GPR158: variants seen among roughly 807,000 people sequenced by gnomAD.
GPR158 encodes the protein G protein-coupled receptor 158, also known as metabotropic glycine receptor.
In GPR158, 30 loss-of-function variants were observed where a neutral mutation model predicts 78.2. The observed-to-expected ratio is 0.38, with a 90% confidence interval of 0.29 to 0.52. GPR158 has a LOEUF of 0.52. Among genes scored for constraint, GPR158 ranks in the 20% least tolerant of loss-of-function variants. The probability of loss-of-function intolerance (pLI) is 0.83; values close to 1 mark genes in which losing one functional copy is unlikely to be tolerated. For synonymous variants in GPR158, 581 were observed against 591.1 expected, an observed-to-expected ratio of 0.98 and a Z score of 0.25; for missense variants, 1,463 against 1,523.5, an observed-to-expected ratio of 0.96 and a Z score of 0.66.
At chr10:25,224,986 A>T (rs1853353949) in intron 2 of GPR158, among the ~76,000 whole-genome samples, 1 of 152,136 alleles carries the variant, frequency 6.6e-6, no homozygotes, top group Admixed American at 6.5e-5. Context: ...TGGCAACAAA[A>T]ACCACTTAAC....
chr10:25,187,003 C>G lies in GPR158; in HGVS notation c.902+10681C>G, dbSNP rs531712708. ...TTTTTGAGGTGGAGTCTCACTCTGT[C>G]GCCCAGGCTGGAGTGCAGTGGGGCG... On this transcript the variant is annotated intron_variant, in intron 1 of 10. Transcript: ENST00000376351. 3.7e-5 allele frequency among the ~76,000 whole-genome samples: 5 copies of G among 134,186 alleles called. No homozygotes were observed. The East Asian group carries it at 1.1e-3, about 29-fold the overall frequency. 88.0% of individuals were successfully genotyped at this position (134,186 alleles called of 152,430 possible).
At chr10:25,221,978 T>G (rs1276916159) in intron 2 of GPR158, among the ~76,000 whole-genome samples, 4 of 152,180 alleles carry the variant, frequency 2.6e-5, no homozygotes, top group African/African-American at 9.6e-5. Flanking sequence ...AACTTTAATT[T>G]GAATTTTTGC....
chr10:25,438,876 G>A (rs1257059005), intron 4 of GPR158, among the ~76,000 whole-genome samples: 3 of 151,786 alleles, frequency 2.0e-5, no homozygotes, highest in Non-Finnish European at 4.4e-5. Context: ...CTGCCATTTA[G>A]AAAAAAAATC....
At chr10:25,265,073 A>G (rs928599151) in intron 2 of GPR158, among the ~76,000 whole-genome samples, 2 of 152,168 alleles carry the variant, frequency 1.3e-5, no homozygotes, top group African/African-American at 4.8e-5. Flanking sequence ...TTTTTTAAAT[A>G]TGGGATCCTA....
At chr10:25,201,984 A>G (rs1852935664) in intron 1 of GPR158, among the ~76,000 whole-genome samples, 1 of 152,122 alleles carries the variant, frequency 6.6e-6, no homozygotes, top group Admixed American at 6.6e-5. Context: ...TGCTGGCCTT[A>G]TAGAATGACT....
intron 4 of GPR158, among the ~76,000 whole-genome samples, chr10:25,458,358 G>C: frequency 6.6e-6 from 1 of 152,284 alleles, no homozygotes; most frequent in Admixed American, 6.5e-5. Flanking sequence ...TAGTTTGGTA[G>C]TGTTACATGT....
At chr10:25,254,579 G>A (rs1853867619) in intron 2 of GPR158, among the ~76,000 whole-genome samples, 1 of 152,084 alleles carries the variant, frequency 6.6e-6, no homozygotes, top group African/African-American at 2.4e-5. Flanking sequence ...GAAATAAGTA[G>A]TAGTGAAAAA....
chr10:25,476,269 T>C (rs913930998), intron 5 of GPR158, among the ~76,000 whole-genome samples: 1 of 152,168 alleles, frequency 6.6e-6, no homozygotes, highest in Non-Finnish European at 1.5e-5. Flanking sequence ...AGTGTATTTT[T>C]TTGCTAAATT....
chr10:25,579,650 T>A (rs1837160509), intron 7 of GPR158, among the ~76,000 whole-genome samples: 1 of 152,192 alleles, frequency 6.6e-6, no homozygotes, highest in Non-Finnish European at 1.5e-5. Flanking sequence ...AAGTAGCTAA[T>A]AAATGATAGC....
In GPR158 at chr10:25,598,913, C is replaced by G. The variant is rs759749827; in HGVS notation, c.3287C>G (p.Pro1096Arg). 10 of 1,613,906 alleles carry G rather than the reference C, an allele frequency of 6.2e-6. No individual in the cohort carries two copies. In the East Asian group the frequency reaches 1.1e-4, roughly 18 times the overall value. Reference protein sequence around the residue: ...KLLISKTPVLPERAKEENGGQ... With the variant: ...KLLISKTPVLRERAKEENGGQ... ...TTGATTTCCAAGACTCCAGTTCTCC[C>G]AGAGAGGGCAAAAGAGGAGAACGGA... Residue 1096 changes from proline (P) to arginine (R), a missense_variant, in exon 11 of 11, where the codon CCA becomes CGA. By Grantham distance (103) the Pro-to-Arg change is moderately radical. Coordinates refer to ENST00000376351, the MANE Select transcript of GPR158 (RefSeq NM_020752.3).
chr10:25,257,901 A>C (rs1435065523), intron 2 of GPR158, among the ~76,000 whole-genome samples: 1 of 152,182 alleles, frequency 6.6e-6, no homozygotes, highest in Non-Finnish European at 1.5e-5. Flanking sequence ...AAAAATGAAG[A>C]GATGAAAAAT....
chr10:25,416,326 C>T (rs888876023), intron 4 of GPR158, among the ~76,000 whole-genome samples: 2 of 152,140 alleles, frequency 1.3e-5, no homozygotes, highest in Admixed American at 6.5e-5. Flanking sequence ...CACATGCAAT[C>T]GCAGATATTT....
At chr10:25,247,609 T>G (rs1467429876) in intron 2 of GPR158, among the ~76,000 whole-genome samples, 6 of 141,052 alleles carry the variant, frequency 4.3e-5, no homozygotes, top group South Asian at 2.5e-4. Flanking sequence ...AATGATGATT[T>G]CCAATTTCAT....
chr10:25,361,022 G>T (rs1339238548), intron 2 of GPR158, among the ~76,000 whole-genome samples: 2 of 151,820 alleles, frequency 1.3e-5, no homozygotes, highest in Non-Finnish European at 2.9e-5. Context: ...TTGTGAAACA[G>T]ATCTTCAGAA....
chr10:25,424,556 T>C (rs1030533890), intron 4 of GPR158, among the ~76,000 whole-genome samples: 18 of 151,612 alleles, frequency 1.2e-4, no homozygotes, highest in Non-Finnish European at 2.5e-4. Context: ...GAATTAATTT[T>C]TGTATAAGGT....
rs1448351816 is a variant in GPR158, at chr10:25,410,944, C to T, written c.1112-1306C>T. ...AAGAGTTGAAAGAAACTAAGACTTTCTGTTAAACTGAGTATTATTAAAATG... is the reference window on the plus strand; with the variant it reads ...AAGAGTTGAAAGAAACTAAGACTTTTTGTTAAACTGAGTATTATTAAAATG... On this transcript the variant is annotated intron_variant, in intron 3 of 10. Coordinates refer to ENST00000376351, the MANE Select transcript of GPR158 (RefSeq NM_020752.3). Among the ~76,000 whole-genome samples the T allele has an allele frequency of 2.0e-5, 3 of 152,176 alleles. No homozygotes were observed. The East Asian group carries it at 5.8e-4, about 29-fold the overall frequency.
At chr10:25,189,935 G>A (rs1852750613) in intron 1 of GPR158, among the ~76,000 whole-genome samples, 1 of 151,256 alleles carries the variant, frequency 6.6e-6, no homozygotes, top group Non-Finnish European at 1.5e-5. Flanking sequence ...GTAGAGGAGT[G>A]GGGAAAGGGA....
At chr10:25,269,672 G>T (rs546695601) in intron 2 of GPR158, among the ~76,000 whole-genome samples, 1 of 152,130 alleles carries the variant, frequency 6.6e-6, no homozygotes, top group East Asian at 1.9e-4. Context: ...CTTTATATGA[G>T]TTAAACCATT....
chr10:25,464,945 C>A (rs1835403196), intron 4 of GPR158, among the ~76,000 whole-genome samples: 1 of 152,140 alleles, frequency 6.6e-6, no homozygotes, highest in African/African-American at 2.4e-5. Context: ...ACATAATGAC[C>A]AATAGCAAGA....
Sources: gnomAD v4.1 joint callset for allele counts (sites outside exome capture counted in the v4.1 genomes callset) on GRCh38, gnomAD v4.1.1 for gene constraint, MANE v1.5 for transcripts, NCBI Gene and HGNC (gene_info 2026-07-23, HGNC 2026-07-21) for gene names.